Variants in DOK2 observed in about 807,000 individuals in gnomAD.
DOK2 encodes the protein docking protein 2.
DOK2 carries 28 observed loss-of-function variants against 26.0 expected under a neutral mutation model. The ratio of observed to expected loss-of-function variants is 1.08; its 90% CI spans 0.80 to 1.48. DOK2 has a LOEUF of 1.48. Ranked by LOEUF, DOK2 falls within the 40% of genes most tolerant of loss-of-function variation. The pLI, the probability that DOK2 is intolerant of heterozygous loss-of-function variation, is 0.00. For synonymous variants in DOK2, 282 were observed against 236.9 expected (o/e 1.19, Z -1.75); for missense variants, 682 against 558.2 (o/e 1.22, Z -2.23).
chr8:21,912,025 A>T, intron 2 of DOK2, 37 bp from the exon 3 acceptor site: 1 of 1,534,848 alleles, frequency 6.5e-7, no homozygotes, highest in Non-Finnish European at 8.8e-7. Context: ...ACCTTCCCCG[A>T]TCCCCAGGCC....
chr8:21,910,601 G>T, intron 4 of DOK2, 72 bp downstream of exon 4: 1 of 1,573,868 alleles, frequency 6.4e-7, no homozygotes. Context: ...CCATCCCCTC[G>T]CTGCTTCTCA....
In DOK2 at chr8:21,909,799, C is replaced by A; in HGVS notation, c.751G>T (p.Ala251Ser). The A allele has an allele frequency of 6.2e-7, 1 of 1,613,892 alleles. No individual in the cohort carries two copies. Among genetic ancestry groups the A allele is most frequent in the South Asian group, 1.1e-5 (1 of 91,090 alleles). The change falls in exon 5 of 5, where the codon GCT becomes TCT. Residue 251 changes from alanine to serine, a missense_variant. Ala to Ser is a moderately conservative substitution (Grantham distance 99). Coordinates refer to ENST00000276420, the MANE Select transcript of DOK2 (RefSeq NM_003974.4). ...AISAQKNAAP[A>S]TPQPQPATIP... is the part of the protein sequence containing the mutation. Reference sequence around the variant, plus strand: ...GTGGCTGGCTGCGGTTGGGGTGTAGCGGGTGCAGCATTCTTCTGGGCAGAG... The same window carrying A: ...GTGGCTGGCTGCGGTTGGGGTGTAGAGGGTGCAGCATTCTTCTGGGCAGAG...
chr8:21,911,292 T>C (rs1175952589), intron 3 of DOK2, among the ~76,000 whole-genome samples: 1 of 151,972 alleles, frequency 6.6e-6, no homozygotes, highest in Non-Finnish European at 1.5e-5. Context: ...AAGTTTCTCC[T>C]CCCTCCACCA....
chr8:21,912,890 G>A (rs1809914408), intron 1 of DOK2, among the ~76,000 whole-genome samples: 1 of 152,198 alleles, frequency 6.6e-6, no homozygotes. Context: ...TGAGGAGGGC[G>A]GCGTGTGACC....
chr8:21,910,584 G>C, intron 4 of DOK2, 89 bp downstream of exon 4: 1 of 1,512,506 alleles, frequency 6.6e-7, no homozygotes, highest in Non-Finnish European at 9.0e-7. Flanking sequence ...CCCTCTCCTG[G>C]TCTCTCCCAT....
rs1809744423 is a variant in DOK2, at chr8:21,909,598, A to G, written c.952T>C (p.Leu318=). The G allele has an allele frequency of 6.2e-7, 1 of 1,613,914 alleles. No individual in the cohort carries two copies. The part of the protein sequence containing the change: ...RSLGKNFRGI[L]AVPPQLLADP... Reference sequence around the variant, plus strand: ...GCCAGGAGCTGAGGAGGGACTGCCAAGATGCCCCTGAAGTTCTTCCCCAAG... The same window carrying G: ...GCCAGGAGCTGAGGAGGGACTGCCAGGATGCCCCTGAAGTTCTTCCCCAAG... Residue 318 remains leucine (L), a synonymous_variant, in exon 5 of 5, where the codon TTG becomes CTG. Transcript: ENST00000276420.
Position 21,909,005 on chromosome 8 carries a change from G to T in DOK2, c.*306C>A. ...GGCAGGAGGCTTGCATAGCCAAGCA[G>T]CCCAAGCAATTGCTGACATCCTTTT... On this transcript the variant is annotated 3_prime_UTR_variant, in exon 5 of 5. Transcript: ENST00000276420. 3.8e-6 allele frequency: 1 copy of T among 260,872 alleles called. No homozygotes were observed. Among genetic ancestry groups the T allele is most frequent in the Non-Finnish European group, 7.3e-6 (1 of 137,660 alleles). The allele number at this position is 260,872 out of a possible 1,614,324, so 16.2% of individuals were successfully genotyped here.
At chr8:21,913,495 C>A in intron 1 of DOK2, 44 bp downstream of exon 1, 1 of 1,610,240 alleles carries the variant, frequency 6.2e-7, no homozygotes, top group Non-Finnish European at 8.5e-7. Context: ...ATTCTAGCAG[C>A]CTCCCAGGCC....
intron 1 of DOK2, among the ~76,000 whole-genome samples, 178 bp downstream of exon 1, chr8:21,913,361 G>C (rs1000526442): frequency 6.6e-6 from 1 of 152,200 alleles, no homozygotes; most frequent in African/African-American, 2.4e-5. Context: ...GTTGGGGCCT[G>C]GTTCAGGAGA....
At position 21,910,695 on chromosome 8, in the gene DOK2, A is replaced by C; in HGVS notation, c.596T>G (p.Leu199Arg). 6.2e-7 allele frequency: 1 copy of C among 1,614,042 alleles called. No individual in the cohort carries two copies. The highest frequency in any genetic ancestry group is 1.7e-5 in the Admixed American group (1 of 60,016). The change falls in exon 4 of 5, where the codon CTG becomes CGG. Residue 199 changes from leucine to arginine, a missense_variant. Coordinates refer to ENST00000276420, the MANE Select transcript of DOK2 (RefSeq NM_003974.4). ...CACCTTGTCCCGCCCAAAGCGCCGC[A>C]GAAACCTGTAGGGCCAGTCGTACAG... ...TQLYDWPYRF[L>R]RRFGRDKVTF... is the part of the protein sequence containing the mutation.
At chr8:21,910,004 AC>A (rs765276711) in intron 4 of DOK2, 73 bp from the exon 5 acceptor site, 30 of 1,400,142 alleles carry the variant, frequency 2.1e-5, no homozygotes, top group Non-Finnish European at 2.0e-5. Flanking sequence ...TTTTTTGGAG[AC>A]AGAGTCTCAC....
chr8:21,909,690 A>C lies in DOK2; in HGVS notation c.860T>G (p.Val287Gly), dbSNP rs1809751279. 2 of 1,613,084 alleles carry C rather than the reference A, an allele frequency of 1.2e-6. No homozygotes were observed. Among genetic ancestry groups the C allele is most frequent in the Admixed American group, 1.7e-5 (1 of 59,992 alleles). The part of the protein sequence containing the change: ...SLPPPSPTTP[V>G]PAPRPRGQEG... ...CTGGCCCCGAGGCCGTGGAGCAGGC[A>C]CCGGTGTGGTGGGTGAAGGCGGCGG... Residue 287 changes from valine to glycine, a missense_variant, in exon 5 of 5, where the codon GTG becomes GGG. Coordinates refer to ENST00000276420, the MANE Select transcript of DOK2 (RefSeq NM_003974.4).
At position 21,909,812 on chromosome 8, in the gene DOK2, C is replaced by A. The variant is rs1469490422; in HGVS notation, c.738G>T (p.Lys246Asn). 6.2e-7 allele frequency: 1 copy of A among 1,613,864 alleles called. No homozygotes were observed. The highest frequency in any genetic ancestry group is 8.5e-7 in the Non-Finnish European group (1 of 1,180,022). Residue 246 changes from lysine (K) to asparagine (N), a missense_variant, in exon 5 of 5, where the codon AAG (lysine) becomes AAT (asparagine). Physicochemically the swap from Lys to Asn is moderately conservative, Grantham distance 94. Coordinates refer to ENST00000276420, the MANE Select transcript of DOK2 (RefSeq NM_003974.4). Reference protein sequence around the residue: ...LALEEAISAQKNAAPATPQPQ... With the variant: ...LALEEAISAQNNAAPATPQPQ... ...GTTGGGGTGTAGCGGGTGCAGCATTCTTCTGGGCAGAGATGGCCTCTTCCA... is the reference window on the plus strand; with the variant it reads ...GTTGGGGTGTAGCGGGTGCAGCATTATTCTGGGCAGAGATGGCCTCTTCCA...
chr8:21,913,652 C>T lies in DOK2; in HGVS notation c.-51G>A. 2 of 1,601,504 alleles carry T rather than the reference C, an allele frequency of 1.2e-6. No homozygotes were observed. The highest frequency in any genetic ancestry group is 1.7e-6 in the Non-Finnish European group (2 of 1,169,308). On this transcript the variant is annotated 5_prime_UTR_variant, in exon 1 of 5. Transcript: ENST00000276420. ...CTTCAGCTCTCTCCTTCACTCCTGC[C>T]CTTGCCTCTCTCTTCTTAGCCGTGT... is the stretch of plus-strand genomic sequence containing the variant.
Position 21,909,358 on chromosome 8 carries a change from G to A in DOK2, c.1192C>T (p.Pro398Ser), listed in dbSNP as rs768920141. The change falls in exon 5 of 5, where the codon CCA (proline) becomes TCA (serine). Residue 398 changes from proline to serine, a missense_variant. Coordinates refer to ENST00000276420, the MANE Select transcript of DOK2 (RefSeq NM_003974.4). Reference sequence around the variant, plus strand: ...ACAACATTGTCATACTCAGTTCCTGGCTGCCAGCCAGAAGCAGAGAAATCC... The same window carrying A: ...ACAACATTGTCATACTCAGTTCCTGACTGCCAGCCAGAAGCAGAGAAATCC... ...GQDFSASGWQ[P>S]GTEYDNVVLK... 8 of 1,571,902 alleles carry A rather than the reference G, an allele frequency of 5.1e-6. No individual in the cohort carries two copies. The highest frequency in any genetic ancestry group is 6.0e-6 in the Non-Finnish European group (7 of 1,158,580).
In DOK2 at chr8:21,909,345, T is replaced by C. The variant is rs1356394671; in HGVS notation, c.1205A>G (p.Tyr402Cys). 2 of 1,562,024 alleles carry C rather than the reference T, an allele frequency of 1.3e-6. No homozygotes were observed. The highest frequency in any genetic ancestry group is 1.7e-4 in the Middle Eastern group (1 of 5,790). The change falls in exon 5 of 5, where the codon TAT (tyrosine) becomes TGT (cysteine). Residue 402 changes from tyrosine (Y) to cysteine (C), a missense_variant. Coordinates refer to ENST00000276420, the MANE Select transcript of DOK2 (RefSeq NM_003974.4). Reference sequence around the variant, plus strand: ...GCCTTTCTTTAGTACAACATTGTCATACTCAGTTCCTGGCTGCCAGCCAGA... The same window carrying C: ...GCCTTTCTTTAGTACAACATTGTCACACTCAGTTCCTGGCTGCCAGCCAGA... ...SASGWQPGTEYDNVVLKKGPK is the reference protein window; with the variant it reads ...SASGWQPGTECDNVVLKKGPK
intron 4 of DOK2, 132 bp downstream of exon 4, chr8:21,910,541 T>C: frequency 8.4e-7 from 1 of 1,188,544 alleles, no homozygotes; most frequent in Non-Finnish European, 1.2e-6. Flanking sequence ...ACTTCTGCCA[T>C]CTTGTCACTC....
rs1473900772 is a variant in DOK2, at chr8:21,910,863, G to T, written c.434-6C>A. 1 of 1,593,126 alleles carries T rather than the reference G, an allele frequency of 6.3e-7. No individual in the cohort carries two copies. Among genetic ancestry groups the T allele is most frequent in the Non-Finnish European group, 8.6e-7 (1 of 1,169,060 alleles). On this transcript the variant is annotated splice_polypyrimidine_tract_variant and splice_region_variant and intron_variant, in intron 3 of 4. Coordinates refer to ENST00000276420, the MANE Select transcript of DOK2 (RefSeq NM_003974.4). Reference sequence around the variant, plus strand: ...AAATTCCTTGTGGGGGCCGACTGGGGAGAAGAAGAGAGAGAAGGCGAAGGC... The same window carrying T: ...AAATTCCTTGTGGGGGCCGACTGGGTAGAAGAAGAGAGAGAAGGCGAAGGC...
chr8:21,912,034 C>A (rs1432320412), intron 2 of DOK2, 46 bp from the exon 3 acceptor site: 2 of 1,517,784 alleles, frequency 1.3e-6, no homozygotes, highest in South Asian at 1.2e-5. Context: ...GATCCCCAGG[C>A]CCCCCTCTGG....
Sources: gnomAD v4.1 joint callset for allele counts (sites outside exome capture counted in the v4.1 genomes callset) on GRCh38, gnomAD v4.1.1 for gene constraint, MANE v1.5 for transcripts, NCBI Gene and HGNC (gene_info 2026-07-23, HGNC 2026-07-21) for gene names.